The following SEMA6D variants were observed in gnomAD, a reference collection of about 807,000 sequenced individuals.
SEMA6D encodes semaphorin-6D.
Under a neutral mutation model 106.6 loss-of-function variants are expected in SEMA6D, and 35 were observed. The observed-to-expected ratio is 0.33, with a 90% CI of 0.25 to 0.44. The LOEUF (loss-of-function observed/expected upper bound fraction) is 0.44. Ranked by LOEUF, SEMA6D falls within the 20% of genes least tolerant of loss-of-function variation. The pLI, the probability that SEMA6D is intolerant of heterozygous loss-of-function variation, is 1.00. For synonymous variants in SEMA6D, 499 were observed against 487.7 expected (o/e 1.02, Z -0.31); for missense variants, 1,185 against 1,345.9 (o/e 0.88, Z 1.87).
chr15:47,354,318 T>TATAC (rs1555426808), intron 1 of SEMA6D, among the ~76,000 whole-genome samples: 4 of 146,844 alleles, frequency 2.7e-5, no homozygotes, highest in African/African-American at 7.5e-5. Context: ...TATATATATA[T>TATAC]ACACACATGC....
At chr15:47,705,336 T>G (rs1439549347) in intron 4 of SEMA6D, among the ~76,000 whole-genome samples, 1 of 152,238 alleles carries the variant, frequency 6.6e-6, no homozygotes, top group African/African-American at 2.4e-5. Context: ...ACGGTTTTAC[T>G]TTATAAAACT....
chr15:47,358,349 C>T (rs1006546158), intron 1 of SEMA6D, among the ~76,000 whole-genome samples: 4 of 110,150 alleles, frequency 3.6e-5, no homozygotes, highest in African/African-American at 2.1e-4. Context: ...ATAATTTGTT[C>T]TTCTTTTCAC....
At chr15:47,405,201 G>A (rs550660244) in intron 1 of SEMA6D, among the ~76,000 whole-genome samples, 7 of 152,176 alleles carry the variant, frequency 4.6e-5, no homozygotes, top group Non-Finnish European at 1.0e-4. Flanking sequence ...CTAGTCTCCT[G>A]AGTGGAGTGT....
chr15:47,577,120 T>G (rs1213344930), intron 3 of SEMA6D, among the ~76,000 whole-genome samples: 1 of 152,224 alleles, frequency 6.6e-6, no homozygotes, highest in African/African-American at 2.4e-5. Flanking sequence ...GAAAAATGTT[T>G]GCATTTCACA....
At chr15:47,468,945 A>G (rs1567101287) in intron 2 of SEMA6D, among the ~76,000 whole-genome samples, 1 of 152,112 alleles carries the variant, frequency 6.6e-6, no homozygotes, top group Non-Finnish European at 1.5e-5. Context: ...TTTTATGTAG[A>G]AAGTCCTGGA....
chr15:47,604,984 G>A (rs1464063389), intron 4 of SEMA6D, among the ~76,000 whole-genome samples: 1 of 151,996 alleles, frequency 6.6e-6, no homozygotes, highest in East Asian at 1.9e-4. Context: ...GGGATTACAG[G>A]CGTGAGCCAC....
chr15:47,331,335 G>T (rs1039602926), intron 1 of SEMA6D, among the ~76,000 whole-genome samples: 29 of 152,180 alleles, frequency 1.9e-4, no homozygotes, highest in African/African-American at 6.7e-4. Flanking sequence ...TATATGCAAA[G>T]ATATATATGG....
chr15:47,688,890 T>C (rs1163824428), intron 4 of SEMA6D, among the ~76,000 whole-genome samples: 3 of 152,226 alleles, frequency 2.0e-5, no homozygotes, highest in Non-Finnish European at 2.9e-5. Flanking sequence ...ATGAAAGGAC[T>C]GTTTAAAAAA....
chr15:47,739,541 C>A (rs948758315), intron 1 of SEMA6D, among the ~76,000 whole-genome samples: 1 of 152,142 alleles, frequency 6.6e-6, no homozygotes, highest in African/African-American at 2.4e-5. Context: ...GCATGTGATA[C>A]ATCTCAAGAA....
intron 4 of SEMA6D, among the ~76,000 whole-genome samples, chr15:47,605,760 TA>T (rs2076766824): frequency 1.3e-5 from 2 of 152,332 alleles, no homozygotes; most frequent in East Asian, 3.9e-4. Context: ...AAGAGATTCA[TA>T]GAAGGTATGG....
intron 3 of SEMA6D, among the ~76,000 whole-genome samples, chr15:47,520,729 T>C (rs1200064315): frequency 2.6e-5 from 4 of 151,920 alleles, no homozygotes; most frequent in African/African-American, 9.7e-5. Flanking sequence ...GGTTGAGAGG[T>C]TCAAAGATCA....
chr15:47,363,143 G>A (rs976555330), intron 1 of SEMA6D, among the ~76,000 whole-genome samples: 1 of 152,020 alleles, frequency 6.6e-6, no homozygotes, highest in Admixed American at 6.5e-5. Context: ...AACACTTTAG[G>A]AGATAGATAA....
At chr15:47,731,412 G>C (rs1040850964) in intron 1 of SEMA6D, among the ~76,000 whole-genome samples, 2 of 152,184 alleles carry the variant, frequency 1.3e-5, no homozygotes, top group South Asian at 4.2e-4. Context: ...TACAGCTTGT[G>C]CTTCAGAAAT....
intron 4 of SEMA6D, among the ~76,000 whole-genome samples, chr15:47,657,723 T>C (rs1286409747): frequency 1.1e-4 from 3 of 28,208 alleles, no homozygotes; most frequent in Non-Finnish European, 1.4e-4. Context: ...TCATTTCTTT[T>C]TTTTTTTTTT....
chr15:47,605,471 G>A (rs2076759746), intron 4 of SEMA6D: 1 of 152,126 alleles, frequency 6.6e-6, no homozygotes, highest in Non-Finnish European at 1.5e-5. Context: ...ATTCAATTCT[G>A]ATACCAATTC....
At chr15:47,531,514 A>G (rs1566862851) in intron 3 of SEMA6D, among the ~76,000 whole-genome samples, 1 of 152,236 alleles carries the variant, frequency 6.6e-6, no homozygotes, top group Non-Finnish European at 1.5e-5. Context: ...ATATCATTGA[A>G]CATATTTTCA....
intron 4 of SEMA6D, among the ~76,000 whole-genome samples, chr15:47,661,795 A>T (rs78181695): frequency 0.029 from 4,454 of 152,290 alleles, 113 homozygotes; most frequent in African/African-American, 0.069. Flanking sequence ...ATTAGAACCC[A>T]TGTCTCTAAA....
chr15:47,711,145 TA>T (rs1273520229), intron 4 of SEMA6D, among the ~76,000 whole-genome samples: 1 of 151,184 alleles, frequency 6.6e-6, no homozygotes, highest in African/African-American at 2.4e-5. Context: ...CCGTCTCTAC[TA>T]AAAATACAAA....
chr15:47,539,190 T>C (rs909647046), intron 3 of SEMA6D, among the ~76,000 whole-genome samples: 1 of 152,212 alleles, frequency 6.6e-6, no homozygotes, highest in African/African-American at 2.4e-5. Context: ...TTTCCTATAT[T>C]GTGATGTGCT....
Sources: allele counts gnomAD v4.1 joint callset (sites outside exome capture counted in the v4.1 genomes callset), GRCh38; gene constraint gnomAD v4.1.1; transcripts MANE v1.5; gene names NCBI Gene and HGNC (gene_info 2026-07-23, HGNC 2026-07-21).